BRWD1: variants seen among roughly 807,000 people sequenced by gnomAD.
BRWD1 encodes the protein bromodomain and WD repeat domain containing 1, also known as bromodomain and WD repeat-containing protein 1.
BRWD1 carries 82 observed loss-of-function variants against 251.2 expected under a neutral mutation model. That is an observed-to-expected ratio of 0.33 (90% CI 0.27 to 0.39). The LOEUF is 0.39. Among genes scored for constraint, BRWD1 ranks in the 10% least tolerant of loss-of-function variants. The pLI is 1.00. For missense variants in BRWD1, 2,233 were observed against 2,711.6 expected (o/e 0.82, Z 3.92); for synonymous variants, 918 against 902.8 (o/e 1.02, Z -0.30).
In BRWD1 at chr21:39,282,235, T is replaced by G. The variant is rs565293049; in HGVS notation, c.832-1987A>C. On this transcript the variant is annotated intron_variant, in intron 8 of 40. Coordinates refer to ENST00000342449, the MANE Select transcript of BRWD1 (RefSeq NM_033656.4). The stretch of plus-strand genomic sequence containing the variant: ...TTCAGCCTGGGCAACAGAGTGAGAC[T>G]CTGTCTCAAAAAGCAAACAAACTTG... Among the ~76,000 whole-genome samples the G allele has an allele frequency of 2.6e-5, 4 of 152,052 alleles. 1 individual carries two copies. The South Asian group carries it at 8.3e-4, about 32-fold the overall frequency.
At chr21:39,201,805 G>A (rs2032122255) in intron 38 of BRWD1, among the ~76,000 whole-genome samples, 1 of 152,090 alleles carries the variant, frequency 6.6e-6, no homozygotes, top group South Asian at 2.1e-4. Context: ...GAAATACTAG[G>A]TAAAAGATAT....
At chr21:39,235,797 C>A in intron 23 of BRWD1, 2 of 177,870 alleles carry the variant, frequency 1.1e-5, no homozygotes, top group East Asian at 1.7e-4. Context: ...GCCCATCAGC[C>A]CTATGCCAGC....
At chr21:39,213,635 A>T in intron 32 of BRWD1, 82 bp from the exon 33 acceptor site, 1 of 906,328 alleles carries the variant, frequency 1.1e-6, no homozygotes, top group Non-Finnish European at 1.7e-6. Context: ...TAAAATATAA[A>T]CAGTTCACCA....
In BRWD1 at chr21:39,196,035, T is replaced by TGCCC; in HGVS notation, c.*220_*223dup. 1 of 1,262,788 alleles carries TGCCC rather than the reference T, an allele frequency of 7.9e-7. No homozygotes were observed. The highest frequency in any genetic ancestry group is 1.0e-6 in the Non-Finnish European group (1 of 1,004,686). 78.2% of individuals were successfully genotyped at this position (1,262,788 alleles called of 1,614,324 possible). On this transcript the variant is annotated 3_prime_UTR_variant, in exon 41 of 41. Transcript: ENST00000342449. ...TAGTCAAATACTGTCAAAATAGATC[T>TGCCC]GCCCCCAAAATGAAGCATATTTTGG...
intron 36 of BRWD1, among the ~76,000 whole-genome samples, chr21:39,206,874 T>C (rs548502141): frequency 1.9e-4 from 29 of 152,388 alleles, no homozygotes; most frequent in African/African-American, 6.3e-4. Flanking sequence ...CAGCTATGTA[T>C]GTACAGAACT....
chr21:39,207,446 A>C (rs2146485457), intron 36 of BRWD1, among the ~76,000 whole-genome samples: 2 of 136,682 alleles, frequency 1.5e-5, no homozygotes, highest in South Asian at 2.4e-4. Context: ...AAAGAAAAAA[A>C]AGAAAACACA....
intron 27 of BRWD1, among the ~76,000 whole-genome samples, 198 bp downstream of exon 27, chr21:39,228,302 C>A (rs939470996): frequency 1.3e-5 from 2 of 151,954 alleles, no homozygotes; most frequent in African/African-American, 4.8e-5. Flanking sequence ...GCCCACCGTC[C>A]CCCGGCCCCT....
In BRWD1 at chr21:39,206,188, G is replaced by A; in HGVS notation, c.4284C>T (p.Phe1428=). 1 of 1,612,978 alleles carries A rather than the reference G, an allele frequency of 6.2e-7. No individual in the cohort carries two copies. Among genetic ancestry groups the A allele is most frequent in the Non-Finnish European group, 8.5e-7 (1 of 1,179,434 alleles). Residue 1428 remains phenylalanine (F), a synonymous_variant, in exon 37 of 41, where the codon TTC becomes TTT. Coordinates refer to ENST00000342449, the MANE Select transcript of BRWD1 (RefSeq NM_033656.4). The part of the protein sequence containing the change: ...ISSDFKIGQK[F]NEKLRRSQRF... The stretch of plus-strand genomic sequence containing the variant: ...TCTGGCTTCTTCGAAGTTTTTCATT[G>A]AATTTTTGACCAATTTTAAAATCAG...
At chr21:39,250,474 A>G (rs1424215133) in intron 20 of BRWD1, among the ~76,000 whole-genome samples, 2 of 152,098 alleles carry the variant, frequency 1.3e-5, no homozygotes, top group African/African-American at 4.8e-5. Flanking sequence ...AATTAAAACA[A>G]TGAGAATTTT....
intron 4 of BRWD1, among the ~76,000 whole-genome samples, chr21:39,300,034 C>CA (rs2036065975): frequency 6.6e-6 from 1 of 152,046 alleles, no homozygotes; most frequent in African/African-American, 2.4e-5. Flanking sequence ...ACACCCCTAG[C>CA]AGAGAGGCAG....
chr21:39,247,000 C>G (rs2034213587), intron 21 of BRWD1, among the ~76,000 whole-genome samples: 1 of 152,092 alleles, frequency 6.6e-6, no homozygotes, highest in African/African-American at 2.4e-5. Context: ...ATCGCTTGAA[C>G]CCGGGAGGCA....
At chr21:39,233,438 A>G (rs77379999) in intron 23 of BRWD1, among the ~76,000 whole-genome samples, 2,322 of 152,282 alleles carry the variant, frequency 0.015, 58 homozygotes, top group African/African-American at 0.053. Context: ...ACCTGCTTGA[A>G]ATCAGCACAG....
At position 39,187,770 on chromosome 21, in the gene BRWD1, C is replaced by T; in HGVS notation, c.*8489G>A. The T allele has an allele frequency of 1.0e-6, 1 of 984,974 alleles. No individual in the cohort carries two copies. Among genetic ancestry groups the T allele is most frequent in the Non-Finnish European group, 1.2e-6 (1 of 829,692 alleles). 61.0% of individuals were successfully genotyped at this position (984,974 alleles called of 1,614,324 possible). A position where few individuals can be genotyped will look rare whatever the true frequency, so the allele number is the denominator to read the frequency against. ...ACTTCATTGTTCCAGTATTTTCTGA[C>T]CTAGGTATGTGACACACGAGATTCA... is the stretch of plus-strand genomic sequence containing the variant. On this transcript the variant is annotated 3_prime_UTR_variant, in exon 41 of 41. Coordinates refer to ENST00000342449, the MANE Select transcript of BRWD1 (RefSeq NM_033656.4).
intron 9 of BRWD1, 147 bp downstream of exon 9, chr21:39,280,001 C>A (rs1427746695): frequency 1.9e-6 from 1 of 529,144 alleles, no homozygotes; most frequent in Admixed American, 4.1e-5. Flanking sequence ...CAATATGGCA[C>A]ATATGCTGTA....
rs1256990973 is a variant in BRWD1, at chr21:39,190,237, T to TA, written c.*6021_*6022insT. 6.1e-6 allele frequency: 6 copies of TA among 980,464 alleles called. No individual in the cohort carries two copies. Among genetic ancestry groups the TA allele is most frequent in the Non-Finnish European group, 7.3e-6 (6 of 825,728 alleles). 60.7% of individuals were successfully genotyped at this position (980,464 alleles called of 1,614,324 possible). ...AATCATATTCTAATTAGACTTTTTTTTAATTTTTAAGCTACCTTATTTACA... is the reference window on the plus strand; with the variant it reads ...AATCATATTCTAATTAGACTTTTTTTATAATTTTTAAGCTACCTTATTTACA... On this transcript the variant is annotated 3_prime_UTR_variant, in exon 41 of 41. Transcript: ENST00000342449.
chr21:39,305,416 T>C (rs955191436), intron 4 of BRWD1, among the ~76,000 whole-genome samples: 23 of 152,162 alleles, frequency 1.5e-4, no homozygotes, highest in African/African-American at 5.5e-4. Context: ...TGGAAACTAG[T>C]AACTACTCTC....
intron 13 of BRWD1, among the ~76,000 whole-genome samples, chr21:39,272,527 C>CA (rs571429006): frequency 0.021 from 2,704 of 129,890 alleles, 77 homozygotes; most frequent in African/African-American, 0.072. Flanking sequence ...ACTCTGTCTC[C>CA]AAAAAAAAAA....
chr21:39,237,781 C>T (rs2033860831), intron 22 of BRWD1, among the ~76,000 whole-genome samples: 1 of 151,972 alleles, frequency 6.6e-6, no homozygotes, highest in Non-Finnish European at 1.5e-5. Flanking sequence ...GAACTGCATG[C>T]TTTAAATGGT....
At chr21:39,317,463 C>A (rs1261161932), upstream of BRWD1, among the ~76,000 whole-genome samples, 1 of 152,230 alleles carries the variant, frequency 6.6e-6, no homozygotes, top group African/African-American at 2.4e-5. Flanking sequence ...TTGATAGGCT[C>A]AAGCTGAGGC....
Sources: gnomAD v4.1 joint callset for allele counts (sites outside exome capture counted in the v4.1 genomes callset) on GRCh38, gnomAD v4.1.1 for gene constraint, MANE v1.5 for transcripts, NCBI Gene and HGNC (gene_info 2026-07-23, HGNC 2026-07-21) for gene names.